The following CCR2 variants were observed in gnomAD, a reference collection of about 807,000 sequenced individuals.
The protein encoded by CCR2 is C-C chemokine receptor type 2.
For synonymous variants in CCR2, 183 were observed against 177.1 expected, an observed-to-expected ratio of 1.03 and a Z score of -0.27; for missense variants, 408 against 440.0, an observed-to-expected ratio of 0.93 and a Z score of 0.65.
chr3:46,357,770 G>T lies in CCR2; in HGVS notation c.243G>T (p.Leu81=). The T allele has an allele frequency of 6.2e-7, 1 of 1,614,152 alleles. No homozygotes were observed. Among genetic ancestry groups the T allele is most frequent in the Non-Finnish European group, 8.5e-7 (1 of 1,180,028 alleles). ...TGAAGTGCTTGACTGACATTTACCTGCTCAACCTGGCCATCTCTGATCTGC... is the reference window on the plus strand; with the variant it reads ...TGAAGTGCTTGACTGACATTTACCTTCTCAACCTGGCCATCTCTGATCTGC... ...KKLKCLTDIY[L]LNLAISDLLF... Residue 81 remains leucine (L), a synonymous_variant, in exon 2 of 2, where the codon CTG becomes CTT. Coordinates refer to ENST00000445132, the MANE Select transcript of CCR2 (RefSeq NM_001123396.4).
In CCR2 at chr3:46,359,965, G is replaced by T; in HGVS notation, c.*1355G>T. ...GTCTACGTTACCAGGCAGGAAGGCT[G>T]AGAGGAGAGAGACTCCAGCTGGGTT... On this transcript the variant is annotated 3_prime_UTR_variant, in exon 2 of 2. Coordinates refer to ENST00000445132, the MANE Select transcript of CCR2 (RefSeq NM_001123396.4). 1 of 1,081,746 alleles carries T rather than the reference G, an allele frequency of 9.2e-7. No homozygotes were observed. The highest frequency in any genetic ancestry group is 2.5e-5 in the East Asian group (1 of 39,804). The allele number at this position is 1,081,746 out of a possible 1,614,324, so 67.0% of individuals were successfully genotyped here.
intron 1 of CCR2, 22 bp from the exon 2 acceptor site, chr3:46,357,455 T>C (rs1701473598): frequency 6.7e-7 from 1 of 1,502,204 alleles, no homozygotes; most frequent in Non-Finnish European, 9.1e-7. Context: ...TGTGTGGTCA[T>C]CATTTTGTTC....
Position 46,358,349 on chromosome 3 carries a change from G to A in CCR2, c.822G>A (p.Leu274=). Residue 274 remains leucine (L), a synonymous_variant, in exon 2 of 2, where the codon CTG becomes CTA. Transcript: ENST00000445132. The part of the protein sequence containing the change: ...LLNTFQEFFG[L]SNCESTSQLD... ...ACACCTTCCAGGAATTCTTCGGCCT[G>A]AGTAACTGTGAAAGCACCAGTCAAC... The A allele has an allele frequency of 6.2e-7, 1 of 1,614,176 alleles. No homozygotes were observed. Among genetic ancestry groups the A allele is most frequent in the South Asian group, 1.1e-5 (1 of 91,086 alleles).
At position 46,360,923 on chromosome 3, in the gene CCR2, T is replaced by C. The variant is rs1701540389; in HGVS notation, c.*2313T>C. 1 of 152,256 alleles carries C rather than the reference T, an allele frequency of 6.6e-6. No individual in the cohort carries two copies. Among genetic ancestry groups the C allele is most frequent in the Admixed American group, 6.5e-5 (1 of 15,290 alleles). 9.4% of individuals were successfully genotyped at this position (152,256 alleles called of 1,614,324 possible). On this transcript the variant is annotated 3_prime_UTR_variant, in exon 2 of 2. Coordinates refer to ENST00000445132, the MANE Select transcript of CCR2 (RefSeq NM_001123396.4). Reference sequence around the variant, plus strand: ...TAAATCAATGCTATAACTATGTTGATAAAAGATTTAAAAACAACTGGCTGT... The same window carrying C: ...TAAATCAATGCTATAACTATGTTGACAAAAGATTTAAAAACAACTGGCTGT...
In CCR2 at chr3:46,359,146, G is replaced by C. The variant is rs556188651; in HGVS notation, c.*536G>C. On this transcript the variant is annotated 3_prime_UTR_variant, in exon 2 of 2. Transcript: ENST00000445132. ...CTGCCACGTGTATTTAACCTTGAAG[G>C]GTTCACCAGGTCAGGGAGAGTTTGG... is the stretch of plus-strand genomic sequence containing the variant. 1.7e-5 allele frequency: 17 copies of C among 1,005,888 alleles called. No homozygotes were observed. Among genetic ancestry groups the C allele is most frequent in the Non-Finnish European group, 2.0e-5 (17 of 833,632 alleles). The allele number at this position is 1,005,888 out of a possible 1,614,324, so 62.3% of individuals were successfully genotyped here.
In CCR2 at chr3:46,359,972, G is replaced by C; in HGVS notation, c.*1362G>C. The C allele has an allele frequency of 3.9e-6, 4 of 1,019,638 alleles. No homozygotes were observed. The highest frequency in any genetic ancestry group is 5.8e-6 in the Non-Finnish European group (4 of 694,604). 63.2% of individuals were successfully genotyped at this position (1,019,638 alleles called of 1,614,324 possible). A position where few individuals can be genotyped will look rare whatever the true frequency, so the allele number is the denominator to read the frequency against. On this transcript the variant is annotated 3_prime_UTR_variant, in exon 2 of 2. Transcript: ENST00000445132. Reference sequence around the variant, plus strand: ...TTACCAGGCAGGAAGGCTGAGAGGAGAGAGACTCCAGCTGGGTTGGAAAAC... The same window carrying C: ...TTACCAGGCAGGAAGGCTGAGAGGACAGAGACTCCAGCTGGGTTGGAAAAC...
Position 46,358,855 on chromosome 3 carries a change from C to T in CCR2, c.*245C>T, listed in dbSNP as rs536776017. 2.7e-3 allele frequency: 3,457 copies of T among 1,270,564 alleles called. 14 individuals carry two copies. Among genetic ancestry groups the T allele is most frequent in the Non-Finnish European group, 3.2e-3 (3,144 of 996,592 alleles). 78.7% of individuals were successfully genotyped at this position (1,270,564 alleles called of 1,614,324 possible). On this transcript the variant is annotated 3_prime_UTR_variant, in exon 2 of 2. Transcript: ENST00000445132. The stretch of plus-strand genomic sequence containing the variant: ...AGCTCATCTCAGCTCCTGAAAAATG[C>T]CTCATTACCTTGTGCTAATCCTCTT...
rs1236408585 is a variant in CCR2 at position 46,358,448 on chromosome 3, C to T, written c.921C>T (p.Phe307=). 45 of 1,613,662 alleles carry T rather than the reference C, an allele frequency of 2.8e-5. No homozygotes were observed. The highest frequency in any genetic ancestry group is 3.3e-4 in the Middle Eastern group (2 of 6,084). ...HCCINPIIYA[F]VGEKFRRYLS... ...GCATCAATCCCATCATCTATGCCTT[C>T]GTTGGGGAGAAGTTCAGAAGGTATC... is the stretch of plus-strand genomic sequence containing the variant. Residue 307 remains phenylalanine, a synonymous_variant, in exon 2 of 2, where the codon TTC becomes TTT. Coordinates refer to ENST00000445132, the MANE Select transcript of CCR2 (RefSeq NM_001123396.4).
At position 46,359,866 on chromosome 3, in the gene CCR2, G is replaced by A; in HGVS notation, c.*1256G>A. On this transcript the variant is annotated 3_prime_UTR_variant, in exon 2 of 2. Transcript: ENST00000445132. ...AGGACAAAGAAGGAGCCTAGAGACA[G>A]AAATGACAGATCTCTGCTTTGGAAA... 1 of 1,611,684 alleles carries A rather than the reference G, an allele frequency of 6.2e-7. No homozygotes were observed. Among genetic ancestry groups the A allele is most frequent in the Non-Finnish European group, 8.5e-7 (1 of 1,179,182 alleles).
chr3:46,357,393 T>C (rs1000908711), intron 1 of CCR2, 84 bp from the exon 2 acceptor site: 3 of 911,276 alleles, frequency 3.3e-6, no homozygotes, highest in South Asian at 1.7e-5. Context: ...ACTGGGAAGT[T>C]GCTTATGTGG....
At chr3:46,356,242 G>A (rs139676582) in intron 1 of CCR2, among the ~76,000 whole-genome samples, 88 of 152,304 alleles carry the variant, frequency 5.8e-4, no homozygotes, top group African/African-American at 2.0e-3. Context: ...TAGCATAGAA[G>A]GGAGTAGGAA....
intron 1 of CCR2, among the ~76,000 whole-genome samples, chr3:46,357,221 C>T (rs750574204): frequency 6.6e-5 from 10 of 152,196 alleles, no homozygotes; most frequent in Non-Finnish European, 1.2e-4. Context: ...AAACGCCCAG[C>T]GCTTTTAGCC....
rs536377291 is a variant in CCR2 at position 46,359,083 on chromosome 3, G to A, written c.*473G>A. 104 of 1,011,024 alleles carry A rather than the reference G, an allele frequency of 1.0e-4. 1 individual carries two copies. The Admixed American group carries it at 2.0e-3, about 19-fold the overall frequency. 62.6% of individuals were successfully genotyped at this position (1,011,024 alleles called of 1,614,324 possible). On this transcript the variant is annotated 3_prime_UTR_variant, in exon 2 of 2. Transcript: ENST00000445132. ...AGACAAAGGTGAGCAAAGGGCTCAC[G>A]CATTCAGCCAGGAGATGATACTGGT...
chr3:46,359,512 C>A lies in CCR2; in HGVS notation c.*902C>A. 2 of 966,474 alleles carry A rather than the reference C, an allele frequency of 2.1e-6. No homozygotes were observed. Among genetic ancestry groups the A allele is most frequent in the Non-Finnish European group, 1.5e-6 (1 of 680,916 alleles). The allele number at this position is 966,474 out of a possible 1,614,324, so 59.9% of individuals were successfully genotyped here. A position where few individuals can be genotyped will look rare whatever the true frequency, so the allele number is the denominator to read the frequency against. ...TTCACCAGGAGCAAAGGACGGGGAT[C>A]GTGTGGAACCACTGCAGAACTATTT... On this transcript the variant is annotated 3_prime_UTR_variant, in exon 2 of 2. Coordinates refer to ENST00000445132, the MANE Select transcript of CCR2 (RefSeq NM_001123396.4).
chr3:46,356,374 A>G (rs1230977461), intron 1 of CCR2, among the ~76,000 whole-genome samples: 2 of 152,156 alleles, frequency 1.3e-5, no homozygotes, highest in Non-Finnish European at 2.9e-5. Flanking sequence ...CACGGGGAGG[A>G]GATGCCAGCA....
chr3:46,357,188 C>T (rs1701469858), intron 1 of CCR2, among the ~76,000 whole-genome samples: 1 of 152,202 alleles, frequency 6.6e-6, no homozygotes, highest in African/African-American at 2.4e-5. Flanking sequence ...CTATGCACCA[C>T]CTGCAAAGGA....
Position 46,358,155 on chromosome 3 carries a change from G to A in CCR2, c.628G>A (p.Gly210Arg), listed in dbSNP as rs776605382. The change falls in exon 2 of 2, where the codon GGG becomes AGG. Residue 210 changes from glycine to arginine, a missense_variant. Coordinates refer to ENST00000445132, the MANE Select transcript of CCR2 (RefSeq NM_001123396.4). ...NFHTIMRNILGLVLPLLIMVI... is the reference protein window; with the variant it reads ...NFHTIMRNILRLVLPLLIMVI... ...CCACACAATAATGAGGAACATTTTG[G>A]GGCTGGTCCTGCCGCTGCTCATCAT... 8.7e-6 allele frequency: 14 copies of A among 1,613,966 alleles called. No homozygotes were observed. The highest frequency in any genetic ancestry group is 1.1e-5 in the Non-Finnish European group (13 of 1,180,018).
At chr3:46,355,437 G>A (rs761771469) in intron 1 of CCR2, among the ~76,000 whole-genome samples, 6 of 152,168 alleles carry the variant, frequency 3.9e-5, no homozygotes, top group Non-Finnish European at 7.4e-5. Context: ...GGGACTGGAG[G>A]TGAGGCTGAA....
chr3:46,356,156 T>G (rs1043538779), intron 1 of CCR2, among the ~76,000 whole-genome samples: 1 of 152,198 alleles, frequency 6.6e-6, no homozygotes, highest in South Asian at 2.1e-4. Flanking sequence ...TGGGGAGATA[T>G]GCATCAGGCA....
Sources: allele counts gnomAD v4.1 joint callset (sites outside exome capture counted in the v4.1 genomes callset), GRCh38; gene constraint gnomAD v4.1.1; transcripts MANE v1.5; gene names NCBI Gene and HGNC (gene_info 2026-07-23, HGNC 2026-07-21).